The following RAPGEF2 variants were observed in gnomAD, a reference collection of about 807,000 sequenced individuals.
RAPGEF2 encodes the protein PDZ domain containing guanine nucleotide exchange factor (GEF) 1.
RAPGEF2 carries 54 observed loss-of-function variants against 186.7 expected under a neutral mutation model. The ratio of observed to expected loss-of-function variants is 0.29; its 90% CI spans 0.23 to 0.36. The LOEUF is 0.36. Ranked by LOEUF, RAPGEF2 falls within the 10% of genes least tolerant of loss-of-function variation. The pLI, the probability that RAPGEF2 is intolerant of heterozygous loss-of-function variation, is 1.00. For missense variants in RAPGEF2, 1,532 were observed against 2,045.0 expected, an observed-to-expected ratio of 0.75 and a Z score of 4.84; for synonymous variants, 712 against 705.9, an observed-to-expected ratio of 1.01 and a Z score of -0.14.
chr4:159,226,936 T>G (rs1431215454), intron 4 of RAPGEF2, among the ~76,000 whole-genome samples: 1 of 152,194 alleles, frequency 6.6e-6, no homozygotes, highest in Non-Finnish European at 1.5e-5. Context: ...TTGTAAAAGA[T>G]TATATATGTG....
rs1311164114 is a variant in RAPGEF2, at chr4:159,352,749, T to G, written c.3930T>G (p.Ser1310=). The G allele has an allele frequency of 5.0e-6, 8 of 1,614,242 alleles. No individual in the cohort carries two copies. Among genetic ancestry groups the G allele is most frequent in the Middle Eastern group, 1.6e-4 (1 of 6,062 alleles). ...CAGATTCTGGTCACAGTGAAATTTC[T>G]TCACGATCCAGTATTGTTAGCAATT... is the stretch of plus-strand genomic sequence containing the variant. ...NFSDSGHSEI[S]SRSSIVSNSS... The change falls in exon 27 of 30, where the codon TCT becomes TCG. Residue 1310 remains serine (S), a synonymous_variant. Coordinates refer to ENST00000691494, the MANE Select transcript of RAPGEF2 (RefSeq NM_001394067.2).
chr4:159,222,769 G>A (rs570238424), intron 4 of RAPGEF2, among the ~76,000 whole-genome samples: 3 of 152,146 alleles, frequency 2.0e-5, no homozygotes, highest in South Asian at 4.1e-4. Flanking sequence ...TATTGGGGTC[G>A]CTAACAGAAA....
At chr4:159,156,103 T>C (rs2111204212) in intron 1 of RAPGEF2, among the ~76,000 whole-genome samples, 1 of 152,332 alleles carries the variant, frequency 6.6e-6, no homozygotes, top group African/African-American at 2.4e-5. Flanking sequence ...CAGATTCCAG[T>C]GCTTCAGGTT....
At chr4:159,127,149 C>T (rs1248801437) in intron 1 of RAPGEF2, among the ~76,000 whole-genome samples, 2 of 152,136 alleles carry the variant, frequency 1.3e-5, no homozygotes, top group African/African-American at 4.8e-5. Context: ...GCCTCAGCCT[C>T]CTGAGTAGCT....
intron 7 of RAPGEF2, among the ~76,000 whole-genome samples, chr4:159,286,945 A>C (rs1010757984): frequency 7.2e-5 from 11 of 152,158 alleles, no homozygotes; most frequent in Admixed American, 6.6e-4. Flanking sequence ...TACCTCATCT[A>C]TTCAGTTCAT....
At chr4:159,327,858 A>ATTTT (rs879716119) in intron 11 of RAPGEF2, 2 of 145,270 alleles carry the variant, frequency 1.4e-5, no homozygotes, top group Admixed American at 1.4e-4. Flanking sequence ...TCAGTTTGGG[A>ATTTT]TTTTTTTTTT....
chr4:159,148,575 TTAAC>T (rs1280766474), intron 1 of RAPGEF2, among the ~76,000 whole-genome samples: 3 of 152,324 alleles, frequency 2.0e-5, no homozygotes, highest in South Asian at 4.1e-4. Flanking sequence ...TGGTCCATGT[TTAAC>T]TACTCCTATT....
chr4:159,308,635 CAGAG>C (rs1763590685), intron 8 of RAPGEF2, among the ~76,000 whole-genome samples: 1 of 152,116 alleles, frequency 6.6e-6, no homozygotes. Context: ...AAGATGGACA[CAGAG>C]AGATTGAATT....
intron 7 of RAPGEF2, among the ~76,000 whole-genome samples, chr4:159,272,997 G>A (rs1249517056): frequency 1.3e-5 from 2 of 152,150 alleles, no homozygotes; most frequent in Non-Finnish European, 2.9e-5. Context: ...ACATTGGGTA[G>A]AGTGTCTCTT....
chr4:159,197,991 C>CCTGA (rs1299978110), intron 3 of RAPGEF2, among the ~76,000 whole-genome samples: 21 of 152,264 alleles, frequency 1.4e-4, no homozygotes, highest in African/African-American at 4.8e-4. Flanking sequence ...AGACCGTAAG[C>CCTGA]CTGACCCTAA....
chr4:159,105,789 A>G (rs559760938), intron 1 of RAPGEF2, among the ~76,000 whole-genome samples: 1 of 152,268 alleles, frequency 6.6e-6, no homozygotes, highest in East Asian at 1.9e-4. Context: ...GAGATATTTC[A>G]TTTCCTTTCA....
chr4:159,280,646 G>A (rs533208289), intron 7 of RAPGEF2, among the ~76,000 whole-genome samples: 19 of 152,078 alleles, frequency 1.2e-4, no homozygotes, highest in African/African-American at 3.6e-4. Context: ...AGATATTGTC[G>A]TCAAGTTTGT....
rs773858027 is a variant in RAPGEF2, at chr4:159,332,440, ATTTAT to A, written c.1889-6_1889-2del. On this transcript the variant is annotated splice_region_variant and splice_polypyrimidine_tract_variant and intron_variant, in intron 16 of 29. Coordinates refer to ENST00000691494, the MANE Select transcript of RAPGEF2 (RefSeq NM_001394067.2). ...GCCATTACGTGGTGTTTCTGTTTTC[ATTTAT>A]TTTAGTATTTAAAGAACTTCTAACA... is the stretch of plus-strand genomic sequence containing the variant. 2.5e-6 allele frequency: 4 copies of A among 1,605,012 alleles called. No individual in the cohort carries two copies. Among genetic ancestry groups the A allele is most frequent in the Non-Finnish European group, 3.4e-6 (4 of 1,175,722 alleles).
At chr4:159,138,496 G>C (rs1741961928) in intron 1 of RAPGEF2, among the ~76,000 whole-genome samples, 1 of 152,032 alleles carries the variant, frequency 6.6e-6, no homozygotes, top group African/African-American at 2.4e-5. Context: ...TCAGACCTTA[G>C]GATGTAGGCC....
At chr4:159,340,445 C>G (rs1429299926) in intron 19 of RAPGEF2, among the ~76,000 whole-genome samples, 2 of 152,014 alleles carry the variant, frequency 1.3e-5, no homozygotes, top group African/African-American at 4.8e-5. Context: ...ATGGGTATGT[C>G]ATGGGCTTCA....
chr4:159,108,478 TC>T lies in RAPGEF2; in HGVS notation c.69+4248del, dbSNP rs2111053201. On this transcript the variant is annotated intron_variant, in intron 1 of 29. Coordinates refer to ENST00000691494, the MANE Select transcript of RAPGEF2 (RefSeq NM_001394067.2). ...AATAAAAACAAAACTAGTTATAACTTCTTATCACTATCATTTAATCTCACTG... is the reference window on the plus strand; with the variant it reads ...AATAAAAACAAAACTAGTTATAACTTTTATCACTATCATTTAATCTCACTG... Among the ~76,000 whole-genome samples, 3 of 152,078 alleles carry T rather than the reference TC, an allele frequency of 2.0e-5. No individual in the cohort carries two copies. In the South Asian group the frequency reaches 6.2e-4, roughly 32 times the overall value.
At chr4:159,241,109 A>C (rs1469095367) in intron 5 of RAPGEF2, 92 bp from the exon 6 acceptor site, 1 of 1,064,514 alleles carries the variant, frequency 9.4e-7, no homozygotes, top group South Asian at 2.3e-5. Flanking sequence ...AAGATGATTG[A>C]ATATGGGTTA....
rs752286674 is a variant in RAPGEF2, at chr4:159,354,068, CT to C, written c.4651+25del. On this transcript the variant is annotated intron_variant, in intron 28 of 29. Transcript: ENST00000691494. ...ATTGGTAAGTTTTAAAATTGGGGGA[CT>C]TTGTCATGTCTGGATCATGTCTTTA... 10 of 1,531,686 alleles carry C rather than the reference CT, an allele frequency of 6.5e-6. No individual in the cohort carries two copies. In the East Asian group the frequency reaches 2.0e-4, roughly 31 times the overall value. 94.9% of individuals were successfully genotyped at this position (1,531,686 alleles called of 1,614,324 possible).
intron 7 of RAPGEF2, among the ~76,000 whole-genome samples, chr4:159,253,672 A>G (rs1047794720): frequency 6.6e-6 from 1 of 152,282 alleles, no homozygotes; most frequent in African/African-American, 2.4e-5. Flanking sequence ...CTTTCAAATG[A>G]AAATGTTTTT....
Sources: allele counts gnomAD v4.1 joint callset (sites outside exome capture counted in the v4.1 genomes callset), GRCh38; gene constraint gnomAD v4.1.1; transcripts MANE v1.5; gene names NCBI Gene and HGNC (gene_info 2026-07-23, HGNC 2026-07-21).